The following LEPR variants were observed in gnomAD, a reference collection of about 807,000 sequenced individuals.
LEPR encodes the protein OB receptor.
LEPR carries 56 observed loss-of-function variants against 114.7 expected under a neutral mutation model. That is an observed-to-expected ratio of 0.49 (90% CI 0.39 to 0.61). The LOEUF (loss-of-function observed/expected upper bound fraction) is 0.61. Among genes scored for constraint, LEPR ranks in the 20% least tolerant of loss-of-function variants. The pLI is 0.00. For synonymous variants in LEPR, 443 were observed against 461.4 expected, an observed-to-expected ratio of 0.96 and a Z score of 0.51; for missense variants, 1,202 against 1,352.9, an observed-to-expected ratio of 0.89 and a Z score of 1.75.
At chr1:65,484,822 G>A (rs1397561279) in intron 2 of LEPR, among the ~76,000 whole-genome samples, 1 of 152,192 alleles carries the variant, frequency 6.6e-6, no homozygotes, top group Non-Finnish European at 1.5e-5. Flanking sequence ...CTTCAATATG[G>A]TTTACTAGAA....
intron 2 of LEPR, chr1:65,433,038 T>C (rs1311436368): frequency 1.0e-6 from 1 of 985,160 alleles, no homozygotes; most frequent in Non-Finnish European, 1.2e-6. Context: ...GGGGAAGAGC[T>C]CCACTGAGAT....
intron 2 of LEPR, among the ~76,000 whole-genome samples, chr1:65,453,327 G>C (rs946413950): frequency 5.9e-5 from 9 of 152,038 alleles, no homozygotes; most frequent in African/African-American, 1.9e-4. Flanking sequence ...GCTAGCTTTT[G>C]AATGTGTTTG....
chr1:65,611,071 A>G lies in LEPR; in HGVS notation c.1995+775A>G, dbSNP rs181888391. Among the ~76,000 whole-genome samples, 212 of 152,328 alleles carry G rather than the reference A, an allele frequency of 1.4e-3. 1 individual carries two copies. Among genetic ancestry groups the G allele is most frequent in the African/African-American group, 4.8e-3 (199 of 41,576 alleles). On this transcript the variant is annotated intron_variant, in intron 14 of 19. Coordinates refer to ENST00000349533, the MANE Select transcript of LEPR (RefSeq NM_002303.6). ...CTATAATTTCATTTGGTGAATAATC[A>G]ATGCAATTTCTAAAGTCTTCCATTT...
chr1:65,510,179 C>A (rs1487524299), intron 2 of LEPR, among the ~76,000 whole-genome samples: 4 of 152,138 alleles, frequency 2.6e-5, no homozygotes, highest in African/African-American at 9.7e-5. Context: ...TTTTAGGGTT[C>A]CCGAAGACCA....
At chr1:65,487,952 CCTTT>C (rs545465688) in intron 2 of LEPR, among the ~76,000 whole-genome samples, 8 of 149,140 alleles carry the variant, frequency 5.4e-5, no homozygotes, top group African/African-American at 1.7e-4. Context: ...CTCCTTCCTT[CCTTT>C]CTTTCTCTCT....
At chr1:65,602,910 T>A (rs57745998) in intron 10 of LEPR, among the ~76,000 whole-genome samples, 3 of 152,154 alleles carry the variant, frequency 2.0e-5, no homozygotes, top group Admixed American at 2.0e-4. Context: ...TTGTTCATGA[T>A]ATGAAATTTT....
intron 2 of LEPR, among the ~76,000 whole-genome samples, chr1:65,462,914 G>C (rs1238884055): frequency 6.6e-6 from 1 of 152,136 alleles, no homozygotes; most frequent in African/African-American, 2.4e-5. Context: ...CAGATGGGTA[G>C]ATTGCAAAGA....
chr1:65,577,420 A>G (rs538566381), intron 5 of LEPR: 1 of 152,812 alleles, frequency 6.5e-6, no homozygotes, highest in East Asian at 1.9e-4. Flanking sequence ...ATTTGTGACA[A>G]TGTGCAGCAT....
intron 2 of LEPR, chr1:65,526,061 A>G (rs1649937494): frequency 1.1e-6 from 1 of 947,502 alleles, no homozygotes; most frequent in South Asian, 4.9e-5. Context: ...ATCTGGACAC[A>G]CGGCTGACAG....
intron 5 of LEPR, among the ~76,000 whole-genome samples, chr1:65,590,160 G>A (rs920615951): frequency 6.6e-6 from 1 of 151,228 alleles, no homozygotes; most frequent in African/African-American, 2.4e-5. Context: ...ACATTACAAA[G>A]TATTTCTATT....
At chr1:65,569,819 T>G (rs1205045509) in intron 3 of LEPR, among the ~76,000 whole-genome samples, 1 of 151,840 alleles carries the variant, frequency 6.6e-6, no homozygotes, top group East Asian at 1.9e-4. Context: ...GATAATTTAA[T>G]CAGCAGTGGG....
intron 2 of LEPR, among the ~76,000 whole-genome samples, chr1:65,463,050 T>C (rs1646966234): frequency 6.6e-6 from 1 of 152,234 alleles, no homozygotes; most frequent in Non-Finnish European, 1.5e-5. Flanking sequence ...TTTTGGTGTT[T>C]TAGTCATGAA....
chr1:65,492,131 G>C (rs1438043824), intron 2 of LEPR, among the ~76,000 whole-genome samples: 1 of 152,024 alleles, frequency 6.6e-6, no homozygotes, highest in East Asian at 1.9e-4. Context: ...ATATGAGAAA[G>C]ATTAACAATA....
rs544084095 is a variant in LEPR, at chr1:65,546,255, T to G, written c.-20-19291T>G. Among the ~76,000 whole-genome samples, 11 of 152,322 alleles carry G rather than the reference T, an allele frequency of 7.2e-5. No individual in the cohort carries two copies. The South Asian group carries it at 2.1e-3, about 29-fold the overall frequency. On this transcript the variant is annotated intron_variant, in intron 2 of 19. Transcript: ENST00000349533. The stretch of plus-strand genomic sequence containing the variant: ...GTCAGGTAGAGTGATGCCTCCAGCT[T>G]TGTTCTTTTGGCTTAGGATTGACTT...
chr1:65,457,573 C>T (rs1035206925), intron 2 of LEPR, among the ~76,000 whole-genome samples: 9 of 152,154 alleles, frequency 5.9e-5, no homozygotes, highest in Admixed American at 3.3e-4. Flanking sequence ...TTTTGTTACA[C>T]GCATACTGGT....
intron 2 of LEPR, among the ~76,000 whole-genome samples, chr1:65,467,609 C>A (rs1439066201): frequency 6.6e-6 from 1 of 152,234 alleles, no homozygotes; most frequent in Non-Finnish European, 1.5e-5. Flanking sequence ...AAGCCGTCTG[C>A]TACCTTTTGT....
chr1:65,504,817 G>T (rs1009135750), intron 2 of LEPR, among the ~76,000 whole-genome samples: 2 of 152,072 alleles, frequency 1.3e-5, no homozygotes, highest in African/African-American at 4.8e-5. Context: ...ACTTATATAG[G>T]ATAGAAATAA....
chr1:65,469,792 CT>C (rs1647060033), intron 2 of LEPR, among the ~76,000 whole-genome samples: 1 of 152,186 alleles, frequency 6.6e-6, no homozygotes, highest in Non-Finnish European at 1.5e-5. Flanking sequence ...GGACACTGAG[CT>C]TTAACACCAA....
At chr1:65,530,473 A>G (rs1312626624) in intron 2 of LEPR, among the ~76,000 whole-genome samples, 1 of 152,200 alleles carries the variant, frequency 6.6e-6, no homozygotes, top group African/African-American at 2.4e-5. Context: ...AGCAGCCCCA[A>G]GGTCTGCTGG....
Sources: gnomAD v4.1 joint callset for allele counts (sites outside exome capture counted in the v4.1 genomes callset) on GRCh38, gnomAD v4.1.1 for gene constraint, MANE v1.5 for transcripts, NCBI Gene and HGNC (gene_info 2026-07-23, HGNC 2026-07-21) for gene names.